The following FRMPD4 variants were observed in gnomAD, a reference collection of about 807,000 sequenced individuals.
FRMPD4 encodes the protein FERM and PDZ domain containing 4.
FRMPD4 carries 22 observed loss-of-function variants against 94.1 expected under a neutral mutation model. The ratio of observed to expected loss-of-function variants is 0.23; its 90% CI spans 0.17 to 0.33. FRMPD4 has a LOEUF of 0.33. Among genes scored for constraint, FRMPD4 ranks in the 10% least tolerant of loss-of-function variants. The pLI is 1.00. For synonymous variants in FRMPD4, 631 were observed against 548.6 expected, an observed-to-expected ratio of 1.15 and a Z score of -2.10; for missense variants, 1,111 against 1,339.9, an observed-to-expected ratio of 0.83 and a Z score of 2.67.
intron 1 of FRMPD4, among the ~76,000 whole-genome samples, chrX:12,365,628 G>A (rs2056062979): frequency 9.0e-6 from 1 of 111,213 alleles, no homozygotes; most frequent in East Asian, 2.8e-4. Context: ...ATACTCCCAC[G>A]ATTTCATGGC....
At chrX:12,431,846 A>T (rs750051552) in intron 1 of FRMPD4, among the ~76,000 whole-genome samples, 2 of 112,511 alleles carry the variant, frequency 1.8e-5, no homozygotes, top group Non-Finnish European at 3.8e-5. Flanking sequence ...TTTAAACACG[A>T]AAAAAGCAAT....
At chrX:12,180,267 T>C (rs1016115371) in intron 1 of FRMPD4, among the ~76,000 whole-genome samples, 1 of 112,260 alleles carries the variant, frequency 8.9e-6, no homozygotes, top group African/African-American at 3.2e-5. Context: ...CACATGCCAG[T>C]AGTTATCATC....
chrX:12,250,044 CTCTCTGTGTGTG>C (rs1439713893), intron 1 of FRMPD4, among the ~76,000 whole-genome samples: 2 of 71,596 alleles, frequency 2.8e-5, no homozygotes, highest in Non-Finnish European at 5.1e-5. Flanking sequence ...CTCTCTCTCT[CTCTCTGTGTGTG>C]TGTGTGTTTG....
intron 3 of FRMPD4, among the ~76,000 whole-genome samples, chrX:11,897,856 T>C (rs5933927): frequency 0.011 from 1,231 of 111,781 alleles, 7 homozygotes; most frequent in South Asian, 0.019. Flanking sequence ...ATAAGTGCCA[T>C]GGTAAAACCG....
chrX:12,233,571 C>G (rs1442459714), intron 1 of FRMPD4, among the ~76,000 whole-genome samples: 1 of 111,573 alleles, frequency 9.0e-6, no homozygotes, highest in African/African-American at 3.3e-5. Context: ...TTGACTAAAC[C>G]TGCTGTATAT....
At chrX:11,951,563 G>C (rs1339155811) in intron 3 of FRMPD4, among the ~76,000 whole-genome samples, 1 of 111,659 alleles carries the variant, frequency 9.0e-6, no homozygotes, top group Non-Finnish European at 1.9e-5. Flanking sequence ...GACACATAGA[G>C]GGGAACAACA....
intron 2 of FRMPD4, among the ~76,000 whole-genome samples, chrX:12,510,416 ATGCTCTG>A (rs916076682): frequency 8.9e-6 from 1 of 112,304 alleles, no homozygotes; most frequent in Non-Finnish European, 1.9e-5. Context: ...ATATACAGGA[ATGCTCTG>A]TACTCTGTAA....
chrX:12,228,839 C>T (rs1189673433), intron 1 of FRMPD4, among the ~76,000 whole-genome samples: 1 of 111,734 alleles, frequency 8.9e-6, no homozygotes, highest in Non-Finnish European at 1.9e-5. Context: ...TTCTTGGGCC[C>T]ATGTGGAGTT....
At chrX:12,579,110 ATAAC>A (rs2058839548) in intron 2 of FRMPD4, among the ~76,000 whole-genome samples, 1 of 112,422 alleles carries the variant, frequency 8.9e-6, no homozygotes, top group Non-Finnish European at 1.9e-5. Context: ...AATGCCTGGA[ATAAC>A]TATCTCCCAC....
intron 3 of FRMPD4, among the ~76,000 whole-genome samples, chrX:12,045,850 G>A (rs192812455): frequency 9.0e-6 from 1 of 111,572 alleles, no homozygotes; most frequent in African/African-American, 3.3e-5. Flanking sequence ...AAAAGCAAGA[G>A]TAAAATAAAT....
intron 3 of FRMPD4, among the ~76,000 whole-genome samples, chrX:12,118,991 C>A (rs1391650795): frequency 9.0e-6 from 1 of 111,095 alleles, no homozygotes. Context: ...GTTCCCTTCC[C>A]CACCACAGAC....
intron 3 of FRMPD4, among the ~76,000 whole-genome samples, chrX:12,026,310 A>G (rs1440987738): frequency 9.0e-6 from 1 of 111,671 alleles, no homozygotes; most frequent in Non-Finnish European, 1.9e-5. Flanking sequence ...ATACATTTTT[A>G]TGTATCACTG....
intron 3 of FRMPD4, among the ~76,000 whole-genome samples, chrX:12,612,358 G>A (rs778755617): frequency 8.9e-6 from 1 of 111,950 alleles, no homozygotes; most frequent in Non-Finnish European, 1.9e-5. Context: ...TAGAAAAAAG[G>A]TAAAAACAAA....
intron 3 of FRMPD4, among the ~76,000 whole-genome samples, chrX:12,127,497 A>T (rs780521962): frequency 4.5e-5 from 5 of 111,566 alleles, no homozygotes; most frequent in African/African-American, 6.5e-5. Flanking sequence ...TGATTCAATT[A>T]CCTCCCACTG....
At position 12,718,695 on chromosome X, in the gene FRMPD4, C is replaced by T. The variant is rs374952883; in HGVS notation, c.3869C>T (p.Thr1290Ile). Residue 1290 changes from threonine to isoleucine, a missense_variant, in exon 16 of 17, where the codon ACA (threonine) becomes ATA (isoleucine). By Grantham distance (89) the Thr-to-Ile change is moderately conservative (BLOSUM62 -1). Around this residue, in one of 8 missense-constraint regions of FRMPD4, gnomAD observed 551 missense variants for 591.6 expected, o/e 0.93. Transcript: ENST00000675598. ...PQTEGMCPRM[T>I]VPALHTAINT... Reference sequence around the variant, plus strand: ...ACAGAAGGGATGTGTCCACGGATGACAGTGCCTGCTCTGCACACAGCCATT... The same window carrying T: ...ACAGAAGGGATGTGTCCACGGATGATAGTGCCTGCTCTGCACACAGCCATT... 8.3e-7 allele frequency: 1 copy of T among 1,208,418 alleles called. No individual in the cohort carries two copies. The highest frequency in any genetic ancestry group is 1.1e-6 in the Non-Finnish European group (1 of 892,404).
intron 1 of FRMPD4, among the ~76,000 whole-genome samples, chrX:12,245,404 C>T (rs984985130): frequency 1.8e-5 from 2 of 111,011 alleles, no homozygotes; most frequent in Non-Finnish European, 3.8e-5. Context: ...TGAGAAGTGC[C>T]AGCAAGTCCT....
chrX:12,404,981 C>T (rs113046737), intron 1 of FRMPD4, among the ~76,000 whole-genome samples: 1 of 111,384 alleles, frequency 9.0e-6, no homozygotes, highest in Non-Finnish European at 1.9e-5. Flanking sequence ...CTGGATTTGG[C>T]TTGCAAACTG....
At chrX:11,887,445 C>T (rs2053852125) in intron 3 of FRMPD4, among the ~76,000 whole-genome samples, 1 of 112,259 alleles carries the variant, frequency 8.9e-6, no homozygotes, top group Admixed American at 9.4e-5. Context: ...CTTATCTGCA[C>T]ATAGCCCCTC....
In FRMPD4 at chrX:12,376,876, G is replaced by A. The variant is rs770072308; in HGVS notation, c.42-121804G>A. On this transcript the variant is annotated intron_variant, in intron 1 of 16. Coordinates refer to ENST00000675598, the MANE Select transcript of FRMPD4 (RefSeq NM_001368397.1). ...AGAGTTTCTTGATCTGCAGAACTGA[G>A]CAGAACTCCTTAGACCTGAGTGATG... Among the ~76,000 whole-genome samples the A allele has an allele frequency of 2.3e-4, 26 of 112,546 alleles. 1 individual carries two copies. Among genetic ancestry groups the A allele is most frequent in the Non-Finnish European group, 3.2e-4 (17 of 53,313 alleles).
Sources: gnomAD v4.1 joint callset for allele counts (sites outside exome capture counted in the v4.1 genomes callset) on GRCh38, gnomAD v4.1.1 for gene constraint, gnomAD v4.1.1 regional missense constraint, MANE v1.5 for transcripts, NCBI Gene and HGNC (gene_info 2026-07-23, HGNC 2026-07-21) for gene names.